The following LRP1B variants were observed in gnomAD, a reference collection of about 807,000 sequenced individuals.
The protein encoded by LRP1B is low-density lipoprotein receptor-related protein 1B.
LRP1B carries 217 observed loss-of-function variants against 556.6 expected under a neutral mutation model. The observed-to-expected ratio is 0.39, with a 90% confidence interval of 0.35 to 0.44. The LOEUF is 0.44. Ranked by LOEUF, LRP1B falls within the 20% of genes least tolerant of loss-of-function variation. LRP1B has a pLI of 1.00. For missense variants in LRP1B, 5,053 were observed against 5,620.8 expected (o/e 0.90, Z 3.23); for synonymous variants, 2,047 against 1,865.8 (o/e 1.10, Z -2.50).
At chr2:140,249,446 C>A (rs796459663) in intron 86 of LRP1B, among the ~76,000 whole-genome samples, 25 of 151,678 alleles carry the variant, frequency 1.6e-4, no homozygotes, top group African/African-American at 5.3e-4. Flanking sequence ...AAAGAAGTCA[C>A]CTGCTAGTGG....
intron 7 of LRP1B, among the ~76,000 whole-genome samples, chr2:141,187,958 G>A (rs1358130702): frequency 6.6e-6 from 1 of 151,918 alleles, no homozygotes. Context: ...TATTTTTAAT[G>A]TTTTACTAGT....
At chr2:140,244,719 C>T (rs1225110161) in intron 87 of LRP1B, among the ~76,000 whole-genome samples, 1 of 151,232 alleles carries the variant, frequency 6.6e-6, no homozygotes, top group East Asian at 1.9e-4. Flanking sequence ...AGGCCATGTA[C>T]AAATCAGAAA....
intron 68 of LRP1B, among the ~76,000 whole-genome samples, chr2:140,375,877 T>A (rs1683207367): frequency 6.6e-6 from 1 of 152,130 alleles, no homozygotes; most frequent in African/African-American, 2.4e-5. Context: ...TTAAACTTCT[T>A]CTTTGTTGTT....
intron 2 of LRP1B, among the ~76,000 whole-genome samples, chr2:141,804,275 G>C (rs1696102415): frequency 1.3e-5 from 2 of 152,086 alleles, no homozygotes; most frequent in Admixed American, 1.3e-4. Context: ...CATAGAAGGG[G>C]AGAGAAGGAT....
chr2:140,778,067 A>G (rs890702634), intron 32 of LRP1B, among the ~76,000 whole-genome samples: 1 of 67,528 alleles, frequency 1.5e-5, no homozygotes, highest in African/African-American at 6.0e-5. Context: ...ATTGATCAAT[A>G]AAAACTATTA....
intron 60 of LRP1B, among the ~76,000 whole-genome samples, chr2:140,467,890 C>T (rs558468689): frequency 6.6e-6 from 1 of 152,130 alleles, no homozygotes; most frequent in South Asian, 2.1e-4. Context: ...GAATTTATAA[C>T]CAAAATGAAA....
chr2:141,023,209 G>A (rs140372605), intron 11 of LRP1B, among the ~76,000 whole-genome samples: 1 of 151,806 alleles, frequency 6.6e-6, no homozygotes, highest in African/African-American at 2.4e-5. Context: ...CTTTGTTCTA[G>A]TAATTTCAAA....
chr2:141,302,075 G>GA (rs1298770394), intron 3 of LRP1B, among the ~76,000 whole-genome samples: 2 of 152,020 alleles, frequency 1.3e-5, no homozygotes, highest in South Asian at 2.1e-4. Flanking sequence ...GGTATTTCTG[G>GA]AAAAAATTCA....
At chr2:141,923,503 G>A (rs1286039874) in intron 1 of LRP1B, among the ~76,000 whole-genome samples, 7 of 143,014 alleles carry the variant, frequency 4.9e-5, no homozygotes, top group Admixed American at 7.0e-5. Context: ...GAGGGAGGGA[G>A]GGGGAGAGAG....
chr2:141,115,869 C>T (rs917638303), intron 7 of LRP1B, among the ~76,000 whole-genome samples: 1 of 152,102 alleles, frequency 6.6e-6, no homozygotes, highest in Non-Finnish European at 1.5e-5. Flanking sequence ...TTTGCTTTCA[C>T]ACACCCTAAT....
At chr2:141,556,284 A>G (rs1322298704) in intron 2 of LRP1B, among the ~76,000 whole-genome samples, 1 of 152,000 alleles carries the variant, frequency 6.6e-6, no homozygotes, top group Admixed American at 6.6e-5. Context: ...GCCAGAAACT[A>G]CCCAAGGAGA....
chr2:141,226,475 C>T (rs938658684), intron 6 of LRP1B, among the ~76,000 whole-genome samples: 5 of 151,974 alleles, frequency 3.3e-5, no homozygotes, highest in African/African-American at 1.2e-4. Context: ...GTCAGTTTGA[C>T]CTGCAATGTT....
At chr2:141,795,070 T>C (rs2105671103) in intron 2 of LRP1B, among the ~76,000 whole-genome samples, 2 of 152,232 alleles carry the variant, frequency 1.3e-5, no homozygotes, top group African/African-American at 4.8e-5. Flanking sequence ...GATTATTTTT[T>C]AGGTTGTTGA....
At chr2:140,540,885 A>G (rs2105015881) in intron 45 of LRP1B, 88 bp downstream of exon 45, 7 of 1,393,848 alleles carry the variant, frequency 5.0e-6, no homozygotes, top group Non-Finnish European at 5.9e-6. Flanking sequence ...AGAGAGTATA[A>G]CTTCATGAAT....
intron 66 of LRP1B, among the ~76,000 whole-genome samples, chr2:140,390,641 T>C (rs1441637143): frequency 6.6e-6 from 1 of 152,056 alleles, no homozygotes; most frequent in East Asian, 1.9e-4. Context: ...ACCAACTGAA[T>C]AGATGAGGGA....
At chr2:141,927,072 G>T (rs1700354242) in intron 1 of LRP1B, among the ~76,000 whole-genome samples, 1 of 151,976 alleles carries the variant, frequency 6.6e-6, no homozygotes, top group South Asian at 2.1e-4. Flanking sequence ...CCTCTTAAAG[G>T]TAAGGGTTCC....
intron 41 of LRP1B, among the ~76,000 whole-genome samples, chr2:140,664,615 A>T (rs1239289647): frequency 6.6e-6 from 1 of 152,182 alleles, no homozygotes; most frequent in Admixed American, 6.5e-5. Flanking sequence ...TTAGACTCTT[A>T]TCAAAATAAA....
At chr2:141,320,411 T>C (rs1478239054) in intron 3 of LRP1B, among the ~76,000 whole-genome samples, 1 of 152,100 alleles carries the variant, frequency 6.6e-6, no homozygotes, top group Non-Finnish European at 1.5e-5. Context: ...TAGAATATTT[T>C]AAATTCCTCA....
chr2:140,371,301 A>T lies in LRP1B; in HGVS notation c.10769-16T>A. 2 of 1,420,094 alleles carry T rather than the reference A, an allele frequency of 1.4e-6. No homozygotes were observed. Among genetic ancestry groups the T allele is most frequent in the Non-Finnish European group, 1.9e-6 (2 of 1,037,162 alleles). The allele number at this position is 1,420,094 out of a possible 1,614,324, so 88.0% of individuals were successfully genotyped here. Reference sequence around the variant, plus strand: ...GTAGGAGAAGCTGAATACAATTATAAATTTGAAATTGAGATAGAGTAAAAA... The same window carrying T: ...GTAGGAGAAGCTGAATACAATTATATATTTGAAATTGAGATAGAGTAAAAA... On this transcript the variant is annotated splice_polypyrimidine_tract_variant and intron_variant, in intron 69 of 90. Coordinates refer to ENST00000389484, the MANE Select transcript of LRP1B (RefSeq NM_018557.3).
Sources: allele counts gnomAD v4.1 joint callset (sites outside exome capture counted in the v4.1 genomes callset), GRCh38; gene constraint gnomAD v4.1.1; transcripts MANE v1.5; gene names NCBI Gene and HGNC (gene_info 2026-07-23, HGNC 2026-07-21).